The following ECE1 variants were observed in gnomAD, a reference collection of about 807,000 sequenced individuals.
ECE1 encodes endothelin converting enzyme 1, also known as endothelin-converting enzyme 1.
A neutral mutation model predicts 98.6 loss-of-function variants in ECE1; 35 were observed. The observed-to-expected ratio is 0.35, with a 90% CI of 0.27 to 0.47. The LOEUF is 0.47. ECE1 is among the 20% of genes least tolerant of loss of function. The probability of loss-of-function intolerance (pLI) is 1.00; values close to 1 mark genes in which losing one functional copy is unlikely to be tolerated. For missense variants in ECE1, 814 were observed against 1,025.3 expected (o/e 0.79, Z 2.81); for synonymous variants, 394 against 407.1 (o/e 0.97, Z 0.39).
chr1:21,327,003 G>A lies in ECE1; in HGVS notation c.3+18373C>T, dbSNP rs1639094163. On this transcript the variant is annotated intron_variant, in intron 1 of 18. Coordinates refer to the ECE1 transcript ENST00000415912. The surrounding 1 kb of genome is among the most constrained non-coding windows in gnomAD (Gnocchi z 4.6). ...TCTGTGGACTCCGTCAAAGCCTGGGGAGGGCAGGGTCCTGAGGGCCCTGGT... is the reference window on the plus strand; with the variant it reads ...TCTGTGGACTCCGTCAAAGCCTGGGAAGGGCAGGGTCCTGAGGGCCCTGGT... Among the ~76,000 whole-genome samples the A allele has an allele frequency of 1.3e-5, 2 of 152,348 alleles. No homozygotes were observed. The highest frequency in any genetic ancestry group is 3.9e-4 in the East Asian group (2 of 5,178).
intron 11 of ECE1, 82 bp from the exon 12 acceptor site, chr1:21,236,926 T>TGGCCAGAGATTAAA: frequency 7.8e-7 from 1 of 1,284,314 alleles, no homozygotes; most frequent in South Asian, 1.2e-5. Context: ...AGAACAATGA[T>TGGCCAGAGATTAAA]GGCCAGAGAT....
rs770421001 is a variant in ECE1, at chr1:21,220,066, G to C, written c.2202C>G (p.Pro734=). 4 of 1,614,108 alleles carry C rather than the reference G, an allele frequency of 2.5e-6. No homozygotes were observed. The highest frequency in any genetic ancestry group is 3.4e-6 in the Non-Finnish European group (4 of 1,180,046). The change falls in exon 19 of 19, where the codon CCC becomes CCG. Residue 734 remains proline, a synonymous_variant. Transcript: ENST00000374893. The surrounding 1 kb of genome is among the most constrained non-coding windows in gnomAD (Gnocchi z 5.0). ...HEGLITDPHS[P]SRFRVIGSLS... ...GGGAGCCGATGACCCGGAAGCGAGA[G>C]GGGCTGTGGGGATCGGTGATGAGGC...
At chr1:21,303,590 C>G (rs1158940220) in intron 1 of ECE1, among the ~76,000 whole-genome samples, 1 of 152,248 alleles carries the variant, frequency 6.6e-6, no homozygotes, top group Non-Finnish European at 1.5e-5. Context: ...GCAGAACTCA[C>G]AAACTGGCCA....
upstream of ECE1, among the ~76,000 whole-genome samples, chr1:21,292,870 G>A (rs1244474567): frequency 6.6e-6 from 1 of 152,210 alleles, no homozygotes; most frequent in African/African-American, 2.4e-5. Flanking sequence ...CCACTGGGTG[G>A]AGGAGTTTCC....
rs1473255246 is a variant in ECE1, at chr1:21,307,154, G to A, written c.4-16998C>T. Among the ~76,000 whole-genome samples the A allele has an allele frequency of 1.3e-5, 2 of 152,158 alleles. No individual in the cohort carries two copies. Among genetic ancestry groups the A allele is most frequent in the African/African-American group, 4.8e-5 (2 of 41,430 alleles). ...GGTCTCAGCTCCCAGACTGCTCCCTGCTTAGAACTCCTGTCCACATTACCC... is the reference window on the plus strand; with the variant it reads ...GGTCTCAGCTCCCAGACTGCTCCCTACTTAGAACTCCTGTCCACATTACCC... On this transcript the variant is annotated intron_variant, in intron 1 of 18. Transcript: ENST00000415912. This position sits in a 1 kb window ranked among gnomAD's most constrained non-coding sequence, Gnocchi z 4.2.
chr1:21,320,471 T>C (rs888775626), intron 1 of ECE1, among the ~76,000 whole-genome samples: 3 of 152,232 alleles, frequency 2.0e-5, no homozygotes, highest in Non-Finnish European at 2.9e-5. Context: ...TGGCCAGAAG[T>C]CAGTGGGTCC....
rs368916726 is a variant in ECE1 at position 21,246,498 on chromosome 1, C to CAAAAAAAAAAA, written c.1163+712_1163+722dup. On this transcript the variant is annotated intron_variant, in intron 9 of 18. Coordinates refer to ENST00000374893, the MANE Select transcript of ECE1 (RefSeq NM_001397.3). ...TGGGTGACAGAGTGAGACTCCATCT[C>CAAAAAAAAAAA]AAAAAAAAAAAAAAAAGAAAAGAAA... Among the ~76,000 whole-genome samples, 10 of 96,690 alleles carry CAAAAAAAAAAA rather than the reference C, an allele frequency of 1.0e-4. No individual in the cohort carries two copies. The East Asian group carries it at 1.0e-3, about 10-fold the overall frequency. The allele number at this position is 96,690 out of a possible 152,430, so 63.4% of individuals were successfully genotyped here.
intron 1 of ECE1, among the ~76,000 whole-genome samples, chr1:21,301,422 G>A (rs1369878013): frequency 6.6e-6 from 1 of 152,076 alleles, no homozygotes; most frequent in Non-Finnish European, 1.5e-5. Context: ...TGAACCCCAG[G>A]GGGCGGAGCC....
In ECE1 at chr1:21,225,082, C is replaced by T. The variant is rs983967121; in HGVS notation, c.2040+168G>A. Among the ~76,000 whole-genome samples, 3 of 152,208 alleles carry T rather than the reference C, an allele frequency of 2.0e-5. No individual in the cohort carries two copies. The highest frequency in any genetic ancestry group is 4.4e-5 in the Non-Finnish European group (3 of 68,036). ...AAGCCCTGTGGTGGGGGAGCCTCCA[C>T]GGTCGGCATCGCGATTGGTCCTCGC... is the stretch of plus-strand genomic sequence containing the variant. On this transcript the variant is annotated intron_variant, in intron 17 of 18. Coordinates refer to ENST00000374893, the MANE Select transcript of ECE1 (RefSeq NM_001397.3). This position sits in a 1 kb window ranked among gnomAD's most constrained non-coding sequence, Gnocchi z 5.3.
intron 12 of ECE1, 134 bp downstream of exon 12, chr1:21,236,612 G>A (rs1558375135): frequency 2.3e-6 from 2 of 851,480 alleles, no homozygotes; most frequent in Non-Finnish European, 3.9e-6. Context: ...TCGCACCATA[G>A]CACTCCAGCC....
At chr1:21,229,247 G>A (rs2103221998) in intron 14 of ECE1, among the ~76,000 whole-genome samples, 1 of 151,628 alleles carries the variant, frequency 6.6e-6, no homozygotes, top group South Asian at 2.1e-4. Flanking sequence ...GCGGTGGCAT[G>A]ATCATGGCTC....
At chr1:21,324,050 G>A (rs989140786) in intron 1 of ECE1, among the ~76,000 whole-genome samples, 1 of 152,090 alleles carries the variant, frequency 6.6e-6, no homozygotes, top group Non-Finnish European at 1.5e-5. Flanking sequence ...TCAAACTCCT[G>A]ACCTCAAGTG....
intron 10 of ECE1, chr1:21,238,478 G>A: frequency 3.4e-6 from 2 of 586,750 alleles, no homozygotes; most frequent in African/African-American, 1.9e-5. Context: ...CACAAATAGT[G>A]TCCCGTTGAG....
intron 1 of ECE1, among the ~76,000 whole-genome samples, chr1:21,309,782 C>CTTT (rs1223419250): frequency 4.6e-5 from 6 of 130,140 alleles, no homozygotes; most frequent in Non-Finnish European, 8.0e-5. Context: ...TTTTTTCTTT[C>CTTT]TTTTTTTTTT....
chr1:21,290,353 G>T lies in ECE1; in HGVS notation c.51+11C>A. Reference sequence around the variant, plus strand: ...CTCCCGCCCCCGCCCTCCAGGCCGCGCCCGCCTCACCCCCAGCGCCGACAG... The same window carrying T: ...CTCCCGCCCCCGCCCTCCAGGCCGCTCCCGCCTCACCCCCAGCGCCGACAG... On this transcript the variant is annotated intron_variant, in intron 1 of 18. Transcript: ENST00000374893. This position sits in a 1 kb window ranked among gnomAD's most constrained non-coding sequence, Gnocchi z 7.3. 8.3e-7 allele frequency: 1 copy of T among 1,207,276 alleles called. No individual in the cohort carries two copies. The highest frequency in any genetic ancestry group is 1.0e-6 in the Non-Finnish European group (1 of 975,280). The allele number at this position is 1,207,276 out of a possible 1,614,324, so 74.8% of individuals were successfully genotyped here. A position where few individuals can be genotyped will look rare whatever the true frequency, so the allele number is the denominator to read the frequency against.
intron 1 of ECE1, among the ~76,000 whole-genome samples, chr1:21,310,247 G>A (rs976118478): frequency 6.6e-6 from 1 of 152,154 alleles, no homozygotes; most frequent in Non-Finnish European, 1.5e-5. Context: ...TCTTCCCCTT[G>A]TGTGTTACCT....
intron 17 of ECE1, among the ~76,000 whole-genome samples, chr1:21,222,346 A>C (rs1180363551): frequency 3.3e-5 from 5 of 152,150 alleles, no homozygotes; most frequent in Non-Finnish European, 5.9e-5. Flanking sequence ...TCTTGCCTGG[A>C]CAACCTCACA....
intron 1 of ECE1, among the ~76,000 whole-genome samples, chr1:21,320,321 C>A (rs213020): frequency 0.38 from 58,136 of 152,088 alleles, 12,332 homozygotes; most frequent in African/African-American, 0.58. Context: ...ACAGGGCCAA[C>A]CCCACAGAGG....
chr1:21,277,710 A>G (rs546924284), intron 3 of ECE1, among the ~76,000 whole-genome samples: 2 of 152,284 alleles, frequency 1.3e-5, no homozygotes, highest in African/African-American at 4.8e-5. Context: ...CTGCACACCT[A>G]TGGCACAGGC....
Sources: allele counts gnomAD v4.1 joint callset (sites outside exome capture counted in the v4.1 genomes callset), GRCh38; gene constraint gnomAD v4.1.1; non-coding constraint Gnocchi (gnomAD v3.1); transcripts MANE v1.5; gene names NCBI Gene and HGNC (gene_info 2026-07-23, HGNC 2026-07-21).